CADPS: variants seen among roughly 807,000 people sequenced by gnomAD.
The protein encoded by CADPS is calcium dependent secretion activator, also known as calcium-dependent secretion activator 1.
CADPS carries 57 observed loss-of-function variants against 167.3 expected under a neutral mutation model. The observed-to-expected ratio is 0.34, with a 90% CI of 0.28 to 0.42. The LOEUF is 0.42. Among genes scored for constraint, CADPS ranks in the 20% least tolerant of loss-of-function variants. The pLI, the probability that CADPS is intolerant of heterozygous loss-of-function variation, is 1.00. For synonymous variants in CADPS, 676 were observed against 635.3 expected, an observed-to-expected ratio of 1.06 and a Z score of -0.96; for missense variants, 1,414 against 1,738.1, an observed-to-expected ratio of 0.81 and a Z score of 3.32.
intron 1 of CADPS, among the ~76,000 whole-genome samples, chr3:62,806,932 TTATAG>T (rs2094131521): frequency 6.6e-6 from 1 of 152,126 alleles, no homozygotes; most frequent in Non-Finnish European, 1.5e-5. Context: ...TCTCTAACAT[TTATAG>T]TCTTGGGACA....
At chr3:62,551,598 G>A (rs1381545175) in intron 10 of CADPS, among the ~76,000 whole-genome samples, 3 of 152,136 alleles carry the variant, frequency 2.0e-5, no homozygotes, top group African/African-American at 2.4e-5. Flanking sequence ...GAGGAAAAGC[G>A]TTGGTTCTGA....
chr3:62,872,701 TAGA>T (rs2082849581), intron 1 of CADPS, among the ~76,000 whole-genome samples: 1 of 152,180 alleles, frequency 6.6e-6, no homozygotes, highest in South Asian at 2.1e-4. Flanking sequence ...AGTTTCTGTT[TAGA>T]AGAACTGTGT....
In CADPS at chr3:62,492,409, G is replaced by A. The variant is rs769272343; in HGVS notation, c.2765C>T (p.Ala922Val). 9.9e-6 allele frequency: 16 copies of A among 1,613,868 alleles called. No individual in the cohort carries two copies. Among genetic ancestry groups the A allele is most frequent in the Admixed American group, 1.7e-5 (1 of 60,006 alleles). ...AWWSDLMVEH[A>V]ETFLSLFAVD... ...TGCAAAGAGTGACAGGAACGTCTCC[G>A]CATGCTCCACCATTAAATCTGACCA... The change falls in exon 20 of 30, where the codon GCG becomes GTG. Residue 922 changes from alanine (A) to valine (V), a missense_variant. Physicochemically the swap from Ala to Val is moderately conservative, Grantham distance 64 (BLOSUM62 0). Transcript: ENST00000383710.
intron 1 of CADPS, among the ~76,000 whole-genome samples, chr3:62,854,092 A>G (rs2079168073): frequency 6.6e-6 from 1 of 152,140 alleles, no homozygotes; most frequent in Non-Finnish European, 1.5e-5. Flanking sequence ...CAAGGCCATT[A>G]AAAAATATAT....
intron 10 of CADPS, among the ~76,000 whole-genome samples, chr3:62,551,963 A>G (rs945034328): frequency 1.3e-5 from 2 of 152,018 alleles, no homozygotes; most frequent in Non-Finnish European, 2.9e-5. Context: ...AGCAAACTAT[A>G]TAATTTACTT....
At chr3:62,593,614 T>A (rs1019519538) in intron 6 of CADPS, among the ~76,000 whole-genome samples, 1 of 152,206 alleles carries the variant, frequency 6.6e-6, no homozygotes. Context: ...ACCTATGGAC[T>A]GCCACTCATC....
chr3:62,734,192 A>G (rs1231483908), intron 3 of CADPS, among the ~76,000 whole-genome samples: 1 of 152,182 alleles, frequency 6.6e-6, no homozygotes, highest in African/African-American at 2.4e-5. Context: ...CCCATTCATA[A>G]ATACCACCCA....
chr3:62,544,088 G>C lies in CADPS; in HGVS notation c.1966+5815C>G, dbSNP rs1038967359. On this transcript the variant is annotated intron_variant, in intron 11 of 29. Transcript: ENST00000383710. The surrounding 1 kb of genome is among the most constrained non-coding windows in gnomAD (Gnocchi z 4.4). ...ATACCAAGGTTAATACCTTGGCATT[G>C]TAAGACTGTGAATCCAAAGCATTTG... Among the ~76,000 whole-genome samples, 9 of 152,076 alleles carry C rather than the reference G, an allele frequency of 5.9e-5. No homozygotes were observed. The highest frequency in any genetic ancestry group is 4.6e-4 in the Admixed American group (7 of 15,260).
At chr3:62,770,905 T>G (rs1221390764) in intron 1 of CADPS, among the ~76,000 whole-genome samples, 2 of 152,306 alleles carry the variant, frequency 1.3e-5, no homozygotes, top group South Asian at 4.1e-4. Context: ...TTGAACTTGG[T>G]GTCAATACGA....
intron 1 of CADPS, among the ~76,000 whole-genome samples, chr3:62,810,281 C>T (rs1029450575): frequency 1.2e-4 from 18 of 152,054 alleles, no homozygotes; most frequent in African/African-American, 3.6e-4. Flanking sequence ...AAGGTAAAGA[C>T]GATAATGTTA....
intron 13 of CADPS, among the ~76,000 whole-genome samples, chr3:62,522,301 A>G (rs1201439119): frequency 6.6e-6 from 1 of 151,954 alleles, no homozygotes; most frequent in African/African-American, 2.4e-5. Context: ...CATATCTTTT[A>G]ATTTTGTTTT....
chr3:62,435,947 T>G (rs1366002692), intron 28 of CADPS, among the ~76,000 whole-genome samples: 1 of 148,814 alleles, frequency 6.7e-6, no homozygotes, highest in Non-Finnish European at 1.5e-5. Flanking sequence ...ATATTTCTTT[T>G]TACTATTAAT....
chr3:62,654,646 C>T (rs2071073005), intron 4 of CADPS, among the ~76,000 whole-genome samples: 1 of 152,062 alleles, frequency 6.6e-6, no homozygotes, highest in Admixed American at 6.6e-5. Context: ...GTCCTTAGGC[C>T]CCATTAAAGG....
intron 1 of CADPS, among the ~76,000 whole-genome samples, chr3:62,856,128 C>G (rs2079633301): frequency 6.6e-6 from 1 of 152,222 alleles, no homozygotes; most frequent in Middle Eastern, 3.4e-3. Flanking sequence ...TATACCTCAG[C>G]TGATAGGGAC....
intron 1 of CADPS, among the ~76,000 whole-genome samples, chr3:62,774,182 A>C (rs915435756): frequency 1.3e-5 from 2 of 152,144 alleles, no homozygotes; most frequent in African/African-American, 4.8e-5. Flanking sequence ...AGGGGACGAA[A>C]AGAAGAGAAG....
At chr3:62,783,105 T>C (rs1420570796) in intron 1 of CADPS, among the ~76,000 whole-genome samples, 1 of 152,066 alleles carries the variant, frequency 6.6e-6, no homozygotes, top group Non-Finnish European at 1.5e-5. Flanking sequence ...CTCCAGAAAA[T>C]TGTTATGGTT....
intron 1 of CADPS, among the ~76,000 whole-genome samples, chr3:62,857,416 AAAGGT>A (rs1267716893): frequency 2.0e-5 from 3 of 152,096 alleles, no homozygotes; most frequent in African/African-American, 7.2e-5. Context: ...AGAAGTGTAG[AAAGGT>A]AAGTACACAA....
chr3:62,528,351 G>C (rs1394851598), intron 13 of CADPS, among the ~76,000 whole-genome samples: 1 of 152,040 alleles, frequency 6.6e-6, no homozygotes, highest in African/African-American at 2.4e-5. Flanking sequence ...GGGTAATAAC[G>C]ATATTTATCT....
chr3:62,607,952 C>G (rs562573720), intron 6 of CADPS, among the ~76,000 whole-genome samples: 1 of 152,292 alleles, frequency 6.6e-6, no homozygotes, highest in South Asian at 2.1e-4. Flanking sequence ...GAGGTGTTGT[C>G]TTAAAGAATT....
Sources: allele counts gnomAD v4.1 joint callset (sites outside exome capture counted in the v4.1 genomes callset), GRCh38; gene constraint gnomAD v4.1.1; non-coding constraint Gnocchi (gnomAD v3.1); transcripts MANE v1.5; gene names NCBI Gene and HGNC (gene_info 2026-07-23, HGNC 2026-07-21).